Variants in ATP8A2 observed in about 807,000 individuals in gnomAD.
The protein encoded by ATP8A2 is phospholipid-transporting ATPase IB.
Under a neutral mutation model 165.6 loss-of-function variants are expected in ATP8A2, and 100 were observed. The ratio of observed to expected loss-of-function variants is 0.60; its 90% CI spans 0.51 to 0.71. The LOEUF (loss-of-function observed/expected upper bound fraction) is 0.71, where lower values mean the gene tolerates loss of function less well. Among genes scored for constraint, ATP8A2 ranks in the 30% least tolerant of loss-of-function variants. The probability of loss-of-function intolerance (pLI) is 0.00; values close to 1 mark genes in which losing one functional copy is unlikely to be tolerated. For missense variants in ATP8A2, 1,227 were observed against 1,479.5 expected (o/e 0.83, Z 2.80); for synonymous variants, 543 against 548.8 (o/e 0.99, Z 0.15).
intron 25 of ATP8A2, among the ~76,000 whole-genome samples, chr13:25,742,669 C>G (rs1381383892): frequency 2.1e-5 from 3 of 140,746 alleles, no homozygotes; most frequent in African/African-American, 5.4e-5. Flanking sequence ...CTCTCTCTCT[C>G]TCTCTCTCTG....
chr13:25,801,761 C>A (rs549157955), intron 27 of ATP8A2, among the ~76,000 whole-genome samples: 1 of 152,234 alleles, frequency 6.6e-6, no homozygotes, highest in East Asian at 1.9e-4. Context: ...CTGCCTGAGA[C>A]TGGGTAACTT....
At chr13:25,570,057 A>AT (rs1034562670) in intron 16 of ATP8A2, among the ~76,000 whole-genome samples, 2 of 152,116 alleles carry the variant, frequency 1.3e-5, no homozygotes, top group Non-Finnish European at 2.9e-5. Context: ...AAAATTATAT[A>AT]TTTTTTTCCC....
chr13:25,890,038 T>C (rs1953308646), intron 33 of ATP8A2, among the ~76,000 whole-genome samples: 1 of 152,112 alleles, frequency 6.6e-6, no homozygotes, highest in Non-Finnish European at 1.5e-5. Flanking sequence ...GGCACGTGCC[T>C]GTAATCCCAG....
chr13:25,502,047 AG>A (rs1281221805), intron 2 of ATP8A2, among the ~76,000 whole-genome samples: 2 of 152,254 alleles, frequency 1.3e-5, no homozygotes, highest in Admixed American at 6.5e-5. Context: ...ATGCAAGTTC[AG>A]ATCCCATACC....
At chr13:25,694,969 A>G (rs749763922) in intron 24 of ATP8A2, among the ~76,000 whole-genome samples, 1 of 152,158 alleles carries the variant, frequency 6.6e-6, no homozygotes, top group Non-Finnish European at 1.5e-5. Context: ...ATGAGCCACC[A>G]TGACTGGCTT....
At position 25,713,713 on chromosome 13, in the gene ATP8A2, G is replaced by A. The variant is rs139298639; in HGVS notation, c.2384+14368G>A. Among the ~76,000 whole-genome samples, 426 of 152,252 alleles carry A rather than the reference G, an allele frequency of 2.8e-3. 2 individuals carry two copies. The highest frequency in any genetic ancestry group is 9.7e-3 in the African/African-American group (405 of 41,554). Reference sequence around the variant, plus strand: ...AGATGACTTTGAAATCCATCTGTGTGTGTGCTGAATGAATATTGAGCATAT... The same window carrying A: ...AGATGACTTTGAAATCCATCTGTGTATGTGCTGAATGAATATTGAGCATAT... On this transcript the variant is annotated intron_variant, in intron 25 of 36. Coordinates refer to ENST00000381655, the MANE Select transcript of ATP8A2 (RefSeq NM_016529.6).
intron 33 of ATP8A2, among the ~76,000 whole-genome samples, chr13:25,899,691 G>A (rs1007588942): frequency 6.6e-6 from 1 of 152,202 alleles, no homozygotes; most frequent in Non-Finnish European, 1.5e-5. Flanking sequence ...GAAGGAAGGG[G>A]TTGGTGCAGG....
In ATP8A2 at chr13:25,542,052, A is replaced by G. The variant is rs2038495929; in HGVS notation, c.779+6A>G. ...TTGAACTTAGATGGGAAAAGGTATT[A>G]TATGCCTTTTCTTCATTGTCTTTTA... On this transcript the variant is annotated splice_donor_region_variant and intron_variant, in intron 9 of 36. Transcript: ENST00000381655. 6.2e-6 allele frequency: 10 copies of G among 1,613,058 alleles called. No homozygotes were observed. Among genetic ancestry groups the G allele is most frequent in the East Asian group, 2.2e-5 (1 of 44,884 alleles).
intron 2 of ATP8A2, among the ~76,000 whole-genome samples, chr13:25,513,134 G>A (rs1196186080): frequency 1.1e-4 from 16 of 151,954 alleles, no homozygotes; most frequent in Admixed American, 2.0e-4. Flanking sequence ...GGTGGCTGCC[G>A]GGCGGAGGGG....
chr13:25,586,039 A>G (rs2039912026), intron 23 of ATP8A2, among the ~76,000 whole-genome samples: 1 of 152,216 alleles, frequency 6.6e-6, no homozygotes, highest in Non-Finnish European at 1.5e-5. Context: ...GTTATCTATT[A>G]TGTGCCCGAT....
chr13:25,888,425 G>T (rs1278177863), intron 33 of ATP8A2, among the ~76,000 whole-genome samples: 1 of 152,168 alleles, frequency 6.6e-6, no homozygotes, highest in Admixed American at 6.5e-5. Flanking sequence ...TCTGCGTCAA[G>T]TTCAGAAAAA....
chr13:25,763,397 A>G (rs557850802), intron 25 of ATP8A2, among the ~76,000 whole-genome samples: 1 of 152,186 alleles, frequency 6.6e-6, no homozygotes. Flanking sequence ...TTCCTCAGTT[A>G]CAGCTCCTCG....
chr13:25,610,629 C>CT (rs966587155), intron 24 of ATP8A2, among the ~76,000 whole-genome samples: 3 of 151,846 alleles, frequency 2.0e-5, no homozygotes, highest in Admixed American at 1.3e-4. Flanking sequence ...AATTTTAGGA[C>CT]TTTTTTTTCT....
At chr13:25,661,800 A>T (rs899435748) in intron 24 of ATP8A2, among the ~76,000 whole-genome samples, 4 of 152,202 alleles carry the variant, frequency 2.6e-5, no homozygotes, top group African/African-American at 9.6e-5. Context: ...TTGTTGTTAT[A>T]TAAAGATTTT....
At chr13:25,883,760 G>A (rs949800975) in intron 33 of ATP8A2, among the ~76,000 whole-genome samples, 20 of 152,284 alleles carry the variant, frequency 1.3e-4, no homozygotes, top group African/African-American at 4.8e-4. Flanking sequence ...TAAAACCAGA[G>A]AAAACCTCAC....
At chr13:25,930,843 C>T (rs892016147) in intron 33 of ATP8A2, among the ~76,000 whole-genome samples, 1 of 152,330 alleles carries the variant, frequency 6.6e-6, no homozygotes, top group African/African-American at 2.4e-5. Context: ...TGGCTGCAGC[C>T]GACCTGTCAC....
intron 24 of ATP8A2, among the ~76,000 whole-genome samples, chr13:25,688,096 T>C (rs2042641717): frequency 6.6e-6 from 1 of 151,834 alleles, no homozygotes; most frequent in South Asian, 2.1e-4. Context: ...TGCGGTGATC[T>C]TTGGCTGTTT....
intron 28 of ATP8A2, among the ~76,000 whole-genome samples, chr13:25,830,393 T>C (rs116750004): frequency 6.6e-6 from 1 of 152,090 alleles, no homozygotes. Context: ...GAGAGTACAC[T>C]GTGATAGAAA....
intron 24 of ATP8A2, among the ~76,000 whole-genome samples, chr13:25,627,783 T>C (rs2041140805): frequency 6.6e-6 from 1 of 152,176 alleles, no homozygotes; most frequent in South Asian, 2.1e-4. Flanking sequence ...CTGGAGGAAA[T>C]GCATCATTTG....
Sources: allele counts gnomAD v4.1 joint callset (sites outside exome capture counted in the v4.1 genomes callset), GRCh38; gene constraint gnomAD v4.1.1; transcripts MANE v1.5; gene names NCBI Gene and HGNC (gene_info 2026-07-23, HGNC 2026-07-21).